Variants in RARG observed in about 807,000 individuals in gnomAD.
RARG encodes the protein RAR-gamma.
RARG carries 17 observed loss-of-function variants against 43.7 expected under a neutral mutation model. The ratio of observed to expected loss-of-function variants is 0.39; its 90% CI spans 0.27 to 0.58. The LOEUF (loss-of-function observed/expected upper bound fraction) is 0.58, where lower values mean the gene tolerates loss of function less well. RARG is among the 20% of genes least tolerant of loss of function. The pLI is 0.57. For synonymous variants in RARG, 238 were observed against 236.4 expected, an observed-to-expected ratio of 1.01 and a Z score of -0.06; for missense variants, 346 against 598.7, an observed-to-expected ratio of 0.58 and a Z score of 4.40.
At chr12:53,229,597 TCTC>T (rs1943183990) in intron 2 of RARG, among the ~76,000 whole-genome samples, 1 of 152,188 alleles carries the variant, frequency 6.6e-6, no homozygotes, top group South Asian at 2.1e-4. Flanking sequence ...TCCTTTTCCT[TCTC>T]CTATTCCCCT....
At chr12:53,220,010 CG>C (rs1942904922) in intron 3 of RARG, 1 of 1,526,420 alleles carries the variant, frequency 6.6e-7, no homozygotes, top group Non-Finnish European at 8.8e-7. Context: ...CAGGAGCCGC[CG>C]GTGGCTCTGC....
chr12:53,217,120 C>A (rs1418056510), intron 3 of RARG, among the ~76,000 whole-genome samples: 1 of 152,086 alleles, frequency 6.6e-6, no homozygotes, highest in Non-Finnish European at 1.5e-5. Flanking sequence ...TCCACCCACC[C>A]CACAGGAGGG....
chr12:53,224,631 CT>C (rs1161549444), intron 3 of RARG, among the ~76,000 whole-genome samples: 2 of 152,094 alleles, frequency 1.3e-5, no homozygotes, highest in African/African-American at 2.4e-5. Context: ...TTCGTCTCCC[CT>C]ATGTCTTCCT....
Position 53,215,557 on chromosome 12 carries a change from G to C in RARG, c.333+89C>G. 1 of 1,583,490 alleles carries C rather than the reference G, an allele frequency of 6.3e-7. No homozygotes were observed. The highest frequency in any genetic ancestry group is 8.6e-7 in the Non-Finnish European group (1 of 1,160,140). ...ATTAACCACCTATGTGCAAAGCAGT[G>C]CTGCTCAGACACAGCATCTGTGTGC... On this transcript the variant is annotated intron_variant, in intron 4 of 9. Coordinates refer to ENST00000425354, the MANE Select transcript of RARG (RefSeq NM_000966.6). The surrounding 1 kb of genome is among the most constrained non-coding windows in gnomAD (Gnocchi z 6.4).
chr12:53,228,734 C>A, intron 2 of RARG, among the ~76,000 whole-genome samples: 1 of 151,962 alleles, frequency 6.6e-6, no homozygotes. Flanking sequence ...TTTGTTGAGA[C>A]AGCTAATGTT....
Position 53,215,488 on chromosome 12 carries a change from G to C in RARG, c.334-54C>G, listed in dbSNP as rs749343761. On this transcript the variant is annotated intron_variant, in intron 4 of 9. Transcript: ENST00000425354. The surrounding 1 kb of genome is among the most constrained non-coding windows in gnomAD (Gnocchi z 6.4). Reference sequence around the variant, plus strand: ...CTGAAGCACAATGCTGGGAGTACCAGCCTCTCACTGGCCTTGCAGGTTGCC... The same window carrying C: ...CTGAAGCACAATGCTGGGAGTACCACCCTCTCACTGGCCTTGCAGGTTGCC... 2.5e-6 allele frequency: 4 copies of C among 1,608,852 alleles called. No homozygotes were observed. In the South Asian group the frequency reaches 4.4e-5, roughly 18 times the overall value.
chr12:53,218,204 C>A (rs1469597964), intron 3 of RARG, among the ~76,000 whole-genome samples: 1 of 152,178 alleles, frequency 6.6e-6, no homozygotes, highest in Non-Finnish European at 1.5e-5. Context: ...GGCACACACA[C>A]ACACACATCC....
rs1942581383 is a variant in RARG at position 53,211,315 on chromosome 12, C to G, written c.*361G>C. 2 of 190,846 alleles carry G rather than the reference C, an allele frequency of 1.0e-5. No homozygotes were observed. The highest frequency in any genetic ancestry group is 2.3e-5 in the African/African-American group (1 of 42,950). 11.8% of individuals were successfully genotyped at this position (190,846 alleles called of 1,614,324 possible). ...GGTCTCTAGTGTTCCTGTTTGCTCT[C>G]AGAGAGCCAAGCACCTGGCAGAGGA... On this transcript the variant is annotated 3_prime_UTR_variant, in exon 10 of 10. Coordinates refer to ENST00000425354, the MANE Select transcript of RARG (RefSeq NM_000966.6). The surrounding 1 kb of genome is among the most constrained non-coding windows in gnomAD (Gnocchi z 4.6).
intron 3 of RARG, chr12:53,220,298 C>A: frequency 7.0e-7 from 1 of 1,422,280 alleles, no homozygotes; most frequent in Non-Finnish European, 9.2e-7. Context: ...GGGCGGGGCG[C>A]GAAGCTGGGG....
intron 3 of RARG, chr12:53,220,519 A>C: frequency 8.4e-6 from 3 of 355,490 alleles, no homozygotes; most frequent in African/African-American, 2.1e-5. Flanking sequence ...TTAGACACAC[A>C]TCCGTGCATG....
intron 3 of RARG, among the ~76,000 whole-genome samples, chr12:53,218,206 C>A (rs1365605991): frequency 6.6e-6 from 1 of 152,198 alleles, no homozygotes; most frequent in Non-Finnish European, 1.5e-5. Flanking sequence ...CACACACACA[C>A]ACACATCCAG....
chr12:53,220,091 A>G, intron 3 of RARG: 1 of 1,550,154 alleles, frequency 6.5e-7, no homozygotes, highest in Non-Finnish European at 8.7e-7. Flanking sequence ...GTTTCCATAC[A>G]GTCGTACATC....
intron 3 of RARG, among the ~76,000 whole-genome samples, chr12:53,223,512 C>T (rs1476787205): frequency 6.8e-6 from 1 of 147,210 alleles, no homozygotes; most frequent in Non-Finnish European, 1.5e-5. Flanking sequence ...GCGGCTTGCC[C>T]GGCTCCCCCC....
At chr12:53,228,001 C>CT (rs1474401897) in intron 2 of RARG, among the ~76,000 whole-genome samples, 1 of 152,194 alleles carries the variant, frequency 6.6e-6, no homozygotes, top group Non-Finnish European at 1.5e-5. Context: ...AGCATTTGAC[C>CT]TAAACCTCAC....
intron 3 of RARG, among the ~76,000 whole-genome samples, chr12:53,216,951 A>C (rs1421596237): frequency 2.6e-5 from 4 of 151,936 alleles, no homozygotes; most frequent in Admixed American, 1.3e-4. Context: ...AAGTTAATGC[A>C]AAAAAATTCC....
chr12:53,216,861 CGT>C (rs1377726532), intron 3 of RARG, among the ~76,000 whole-genome samples: 36 of 123,002 alleles, frequency 2.9e-4, no homozygotes, highest in South Asian at 2.5e-3. Context: ...CGCGCGCGCG[CGT>C]GTGGTTGGTC....
intron 5 of RARG, chr12:53,214,944 G>C (rs183238936): frequency 9.8e-6 from 4 of 407,380 alleles, no homozygotes; most frequent in South Asian, 4.0e-5. Context: ...GGGCGAGGGG[G>C]GGGTGGAGAG....
chr12:53,218,486 T>C (rs765393745), intron 3 of RARG, among the ~76,000 whole-genome samples: 14 of 152,088 alleles, frequency 9.2e-5, no homozygotes, highest in Non-Finnish European at 1.8e-4. Context: ...CCCATCCTAT[T>C]GGGCAATGAG....
intron 3 of RARG, chr12:53,219,870 G>A: frequency 7.5e-7 from 1 of 1,326,070 alleles, no homozygotes; most frequent in Non-Finnish European, 1.0e-6. Flanking sequence ...TTGCACCTCA[G>A]TTCCACTCTT....
Sources: allele counts gnomAD v4.1 joint callset (sites outside exome capture counted in the v4.1 genomes callset), GRCh38; gene constraint gnomAD v4.1.1; non-coding constraint Gnocchi (gnomAD v3.1); transcripts MANE v1.5; gene names NCBI Gene and HGNC (gene_info 2026-07-23, HGNC 2026-07-21).